Variants in MAF observed in about 807,000 individuals in gnomAD.
The protein encoded by MAF is transcription factor Maf.
A neutral mutation model predicts 22.0 loss-of-function variants in MAF; 10 were observed. The ratio of observed to expected loss-of-function variants is 0.45; its 90% CI spans 0.28 to 0.77. MAF has a LOEUF of 0.77. Among genes scored for constraint, MAF ranks in the 30% least tolerant of loss-of-function variants. The pLI, the probability that MAF is intolerant of heterozygous loss-of-function variation, is 0.12. For synonymous variants in MAF, 337 were observed against 255.8 expected, an observed-to-expected ratio of 1.32 and a Z score of -3.03; for missense variants, 544 against 548.4, an observed-to-expected ratio of 0.99 and a Z score of 0.08.
chr16:79,354,683 A>G, the MAF span, among the ~76,000 whole-genome samples: 1 of 152,222 alleles, frequency 6.6e-6, no homozygotes, highest in Admixed American at 6.5e-5. Context: ...CATTTGTCCA[A>G]GGAAAAACTG....
At chr16:79,208,254 A>C in the MAF span, among the ~76,000 whole-genome samples, 2 of 152,308 alleles carry the variant, frequency 1.3e-5, no homozygotes, top group Non-Finnish European at 2.9e-5. Flanking sequence ...TGGGCTTCCC[A>C]GAAATTCTCA....
chr16:79,318,136 G>A, the MAF span, among the ~76,000 whole-genome samples: 1 of 152,176 alleles, frequency 6.6e-6, no homozygotes, highest in African/African-American at 2.4e-5. Context: ...TGTAGGCTGT[G>A]GGGCTACAGG....
chr16:79,447,765 T>G, the MAF span, among the ~76,000 whole-genome samples: 2 of 151,612 alleles, frequency 1.3e-5, no homozygotes, highest in Non-Finnish European at 2.9e-5. Flanking sequence ...GCAAGAGAAC[T>G]TGAATTACAA....
chr16:79,537,019 C>T, the MAF span, among the ~76,000 whole-genome samples: 12 of 152,292 alleles, frequency 7.9e-5, no homozygotes, highest in South Asian at 1.9e-3. Context: ...ATGCATCAGG[C>T]ATCTGTACAG....
At chr16:79,451,700 G>GA in the MAF span, among the ~76,000 whole-genome samples, 1 of 151,686 alleles carries the variant, frequency 6.6e-6, no homozygotes, top group Non-Finnish European at 1.5e-5. Flanking sequence ...TATGCTCATT[G>GA]AAAAAAAATA....
chr16:79,449,042 C>A, the MAF span, among the ~76,000 whole-genome samples: 1 of 152,054 alleles, frequency 6.6e-6, no homozygotes, highest in African/African-American at 2.4e-5. Flanking sequence ...TGAGACAGTC[C>A]CATCTGGGGG....
At chr16:79,462,473 C>G in the MAF span, among the ~76,000 whole-genome samples, 3 of 152,136 alleles carry the variant, frequency 2.0e-5, no homozygotes, top group Admixed American at 1.3e-4. Flanking sequence ...ACTTCTTACC[C>G]CACCTAACAA....
At chr16:79,497,316 G>C in the MAF span, among the ~76,000 whole-genome samples, 1 of 152,108 alleles carries the variant, frequency 6.6e-6, no homozygotes, top group Non-Finnish European at 1.5e-5. Flanking sequence ...CCCTTAGAAG[G>C]CACCCTTTTT....
At chr16:79,241,030 C>A in the MAF span, among the ~76,000 whole-genome samples, 9 of 152,174 alleles carry the variant, frequency 5.9e-5, no homozygotes, top group East Asian at 1.7e-3. Context: ...CAGACCTCAT[C>A]CAAATGTCAC....
At chr16:79,270,596 G>T in the MAF span, among the ~76,000 whole-genome samples, 33 of 152,306 alleles carry the variant, frequency 2.2e-4, no homozygotes, top group African/African-American at 7.9e-4. Flanking sequence ...GGGCTGGCTT[G>T]TTTCCAGTGA....
the MAF span, among the ~76,000 whole-genome samples, chr16:79,463,277 C>A: frequency 6.6e-6 from 1 of 152,194 alleles, no homozygotes; most frequent in Non-Finnish European, 1.5e-5. Flanking sequence ...CACCCCCACA[C>A]ACCATGGTAG....
At chr16:79,277,306 A>G in the MAF span, among the ~76,000 whole-genome samples, 5 of 152,318 alleles carry the variant, frequency 3.3e-5, no homozygotes, top group Admixed American at 3.3e-4. Context: ...GGACCTCAGT[A>G]TGACTTTTGG....
chr16:79,242,243 G>A, the MAF span, among the ~76,000 whole-genome samples: 2 of 151,850 alleles, frequency 1.3e-5, no homozygotes, highest in African/African-American at 2.4e-5. Flanking sequence ...ACACAGGCTG[G>A]CAAATTGGAT....
the MAF span, among the ~76,000 whole-genome samples, chr16:79,530,524 T>C: frequency 6.6e-6 from 1 of 152,206 alleles, no homozygotes; most frequent in Non-Finnish European, 1.5e-5. Flanking sequence ...GCATAAAATA[T>C]TTAAGGACAT....
chr16:79,209,256 G>C, the MAF span, among the ~76,000 whole-genome samples: 5 of 152,184 alleles, frequency 3.3e-5, no homozygotes, highest in South Asian at 2.1e-4. Context: ...TAGGTCCCCA[G>C]CTCCTGCAAC....
At chr16:79,429,482 T>C in the MAF span, among the ~76,000 whole-genome samples, 1 of 152,194 alleles carries the variant, frequency 6.6e-6, no homozygotes, top group Non-Finnish European at 1.5e-5. Flanking sequence ...GCCACAAGAT[T>C]AAGCAATTTG....
the MAF span, among the ~76,000 whole-genome samples, chr16:79,345,726 CAAAAAA>C: frequency 3.4e-4 from 23 of 68,340 alleles, no homozygotes; most frequent in South Asian, 8.1e-4. Context: ...GACTCCGTCT[CAAAAAA>C]AAAAAAAAAA....
In MAF at chr16:79,599,303, G is replaced by C. The variant is rs1913829018; in HGVS notation, c.600C>G (p.Pro200=). 1 of 981,304 alleles carries C rather than the reference G, an allele frequency of 1.0e-6. No homozygotes were observed. Among genetic ancestry groups the C allele is most frequent in the Non-Finnish European group, 1.2e-6 (1 of 828,962 alleles). The allele number at this position is 981,304 out of a possible 1,614,324, so 60.8% of individuals were successfully genotyped here. A position where few individuals can be genotyped will look rare whatever the true frequency, so the allele number is the denominator to read the frequency against. The change falls in exon 1 of 2, where the codon CCC becomes CCG. Residue 200 remains proline, a synonymous_variant. Transcript: ENST00000326043. ...GHHHHPTAGA[P]GAAGSAAASA... is the part of the protein sequence containing the mutation. ...AGGCGGCCGCGCTGCCCGCGGCGCC[G>C]GGCGCGCCGGCCGTCGGGTGGTGGT...
the MAF span, among the ~76,000 whole-genome samples, chr16:79,280,534 C>T: frequency 2.0e-5 from 3 of 152,214 alleles, no homozygotes; most frequent in African/African-American, 7.2e-5. Flanking sequence ...ACTCATTCTT[C>T]CACCATGAGG....
Sources: gnomAD v4.1 joint callset for allele counts (sites outside exome capture counted in the v4.1 genomes callset) on GRCh38, gnomAD v4.1.1 for gene constraint, MANE v1.5 for transcripts, NCBI Gene and HGNC (gene_info 2026-07-23, HGNC 2026-07-21) for gene names.